The following TPTE variants were observed in gnomAD, a reference collection of about 807,000 sequenced individuals.
TPTE encodes the protein transmembrane phosphatase with tensin homology.
TPTE carries 59 observed loss-of-function variants against 84.1 expected under a neutral mutation model. The ratio of observed to expected loss-of-function variants is 0.70; its 90% confidence interval spans 0.57 to 0.87. The LOEUF (loss-of-function observed/expected upper bound fraction) is 0.87, where lower values mean the gene tolerates loss of function less well. Among genes scored for constraint, TPTE ranks in the 40% least tolerant of loss-of-function variants. The probability of loss-of-function intolerance (pLI) is 0.00; values close to 1 mark genes in which losing one functional copy is unlikely to be tolerated. For synonymous variants in TPTE, 130 were observed against 223.5 expected (o/e 0.58, Z 3.73); for missense variants, 382 against 659.6 (o/e 0.58, Z 4.61).
chr21:10,603,450 T>C, intron 22 of TPTE, 112 bp from the exon 23 acceptor site: 2 of 1,113,374 alleles, frequency 1.8e-6, no homozygotes, highest in Admixed American at 2.5e-5. Context: ...ACATATTTAA[T>C]GGTTATAATT....
At chr21:10,562,539 T>G (rs1165455031) in intron 10 of TPTE, among the ~76,000 whole-genome samples, 1 of 152,310 alleles carries the variant, frequency 6.6e-6, no homozygotes, top group Non-Finnish European at 1.5e-5. Flanking sequence ...GAATTCATAA[T>G]TCTATTAGAT....
intron 7 of TPTE, among the ~76,000 whole-genome samples, chr21:10,546,006 T>C (rs2074460844): frequency 6.6e-6 from 1 of 152,288 alleles, no homozygotes. Flanking sequence ...CATATATGTG[T>C]GTGTATATGC....
At chr21:10,593,849 T>C (rs2075531433) in intron 19 of TPTE, among the ~76,000 whole-genome samples, 2 of 152,312 alleles carry the variant, frequency 1.3e-5, no homozygotes, top group Non-Finnish European at 2.9e-5. Flanking sequence ...CTTTAAGTGG[T>C]GGGAGCTGAG....
At chr21:10,576,163 A>G (rs372971080) in intron 14 of TPTE, 303 of 161,324 alleles carry the variant, frequency 1.9e-3, no homozygotes, top group African/African-American at 7.2e-3. Flanking sequence ...ACAAGAGCAA[A>G]GACATGGAAT....
At chr21:10,547,063 T>G in intron 7 of TPTE, among the ~76,000 whole-genome samples, 1 of 152,308 alleles carries the variant, frequency 6.6e-6, no homozygotes, top group East Asian at 1.9e-4. Flanking sequence ...TTTCAAATCT[T>G]CAAAGCACAG....
At chr21:10,577,182 AAGTT>A (rs1185611924) in intron 14 of TPTE, among the ~76,000 whole-genome samples, 8 of 152,304 alleles carry the variant, frequency 5.3e-5, no homozygotes, top group Non-Finnish European at 5.9e-5. Context: ...AAATTACTTA[AAGTT>A]AGTTAACCAG....
At chr21:10,529,933 T>TA (rs2074147779) in intron 3 of TPTE, among the ~76,000 whole-genome samples, 1 of 151,910 alleles carries the variant, frequency 6.6e-6, no homozygotes, top group Non-Finnish European at 1.5e-5. Context: ...TTAAAAAAAG[T>TA]AGTTTTTCTG....
At position 10,562,901 on chromosome 21, in the gene TPTE, G is replaced by T. The variant is rs1375145679; in HGVS notation, c.446+1710G>T. ...GAAAGATATCAATATCCAAGTACAA[G>T]AAAGTTATAAAACACCAAGCAGATG... On this transcript the variant is annotated intron_variant, in intron 10 of 23. Transcript: ENST00000618007. 2.0e-5 allele frequency among the ~76,000 whole-genome samples: 3 copies of T among 152,304 alleles called. No individual in the cohort carries two copies. In the East Asian group the frequency reaches 5.8e-4, roughly 29 times the overall value.
intron 23 of TPTE, 46 bp downstream of exon 23, chr21:10,603,678 T>C (rs375650898): frequency 3.9e-5 from 63 of 1,597,526 alleles, no homozygotes; most frequent in Admixed American, 5.0e-5. Flanking sequence ...ATCTTCAATG[T>C]CTATGTATAA....
intron 21 of TPTE, among the ~76,000 whole-genome samples, chr21:10,600,669 T>C (rs1321974128): frequency 6.6e-6 from 1 of 152,312 alleles, no homozygotes; most frequent in African/African-American, 2.4e-5. Context: ...CATTCTACTA[T>C]TGTTTCTTAA....
At chr21:10,559,254 G>A (rs2074744898) in intron 8 of TPTE, among the ~76,000 whole-genome samples, 1 of 152,306 alleles carries the variant, frequency 6.6e-6, no homozygotes, top group African/African-American at 2.4e-5. Context: ...GGCTTTGCAT[G>A]CAATGGAAAT....
At chr21:10,542,560 C>T (rs1310274617) in intron 6 of TPTE, 112 bp downstream of exon 6, 3 of 1,354,680 alleles carry the variant, frequency 2.2e-6, no homozygotes, top group African/African-American at 1.6e-5. Context: ...TCCATCCATC[C>T]ATTCATCCAT....
At position 10,590,528 on chromosome 21, in the gene TPTE, G is replaced by A. The variant is rs2075452514; in HGVS notation, c.1089+5G>A. The stretch of plus-strand genomic sequence containing the variant: ...GAAATATGTTCAACTGCAAAGGTAT[G>A]AAAGATGTTCTACAAACTTTGTCTT... On this transcript the variant is annotated splice_donor_5th_base_variant and intron_variant, in intron 18 of 23. Coordinates refer to ENST00000618007, the MANE Select transcript of TPTE (RefSeq NM_199261.4). The A allele has an allele frequency of 1.2e-6, 2 of 1,613,890 alleles. No individual in the cohort carries two copies. The highest frequency in any genetic ancestry group is 1.3e-5 in the African/African-American group (1 of 74,964).
intron 8 of TPTE, among the ~76,000 whole-genome samples, chr21:10,556,442 T>C (rs1167143962): frequency 6.6e-6 from 1 of 152,302 alleles, no homozygotes; most frequent in Non-Finnish European, 1.5e-5. Flanking sequence ...CAGTCTATCA[T>C]TGTTGGACAT....
chr21:10,547,910 C>G (rs1600881492), intron 7 of TPTE, among the ~76,000 whole-genome samples: 6 of 152,428 alleles, frequency 3.9e-5, no homozygotes, highest in African/African-American at 1.4e-4. Flanking sequence ...TACATGCCCT[C>G]TCCCAAGTGG....
At chr21:10,540,476 CT>C (rs1180651871) in intron 4 of TPTE, among the ~76,000 whole-genome samples, 3 of 152,310 alleles carry the variant, frequency 2.0e-5, no homozygotes, top group African/African-American at 7.2e-5. Flanking sequence ...GAGAATGAGA[CT>C]TTCCTAGTAG....
At chr21:10,543,174 C>T (rs1231233100) in intron 6 of TPTE, among the ~76,000 whole-genome samples, 155 bp from the exon 7 acceptor site, 9 of 140,092 alleles carry the variant, frequency 6.4e-5, no homozygotes, top group Admixed American at 1.4e-4. Flanking sequence ...GGACTACAGG[C>T]GCCCGCCACC....
intron 10 of TPTE, 146 bp downstream of exon 10, chr21:10,561,337 C>G (rs557038053): frequency 2.5e-5 from 30 of 1,187,142 alleles, no homozygotes; most frequent in Non-Finnish European, 3.4e-5. Flanking sequence ...ACTAAAAATA[C>G]AAAAATTAGC....
At chr21:10,589,975 C>T (rs1156530581) in intron 17 of TPTE, among the ~76,000 whole-genome samples, 1 of 152,312 alleles carries the variant, frequency 6.6e-6, no homozygotes, top group Admixed American at 6.5e-5. Context: ...AGAAATGGCA[C>T]TTGGTGTTGA....
Sources: allele counts gnomAD v4.1 joint callset (sites outside exome capture counted in the v4.1 genomes callset), GRCh38; gene constraint gnomAD v4.1.1; transcripts MANE v1.5; gene names NCBI Gene and HGNC (gene_info 2026-07-23, HGNC 2026-07-21).